The following MIB1 variants were observed in gnomAD, a reference collection of about 807,000 sequenced individuals.
The protein encoded by MIB1 is E3 ubiquitin-protein ligase MIB1.
Under a neutral mutation model 124.5 loss-of-function variants are expected in MIB1, and 278 were observed. The ratio of observed to expected loss-of-function variants is 2.23; its 90% CI spans 2.02 to 2.47. The LOEUF (loss-of-function observed/expected upper bound fraction) is 2.47. Ranked by LOEUF, MIB1 falls within the 30% of genes most tolerant of loss-of-function variation. The pLI, the probability that MIB1 is intolerant of heterozygous loss-of-function variation, is 0.00. For synonymous variants in MIB1, 446 were observed against 429.4 expected, an observed-to-expected ratio of 1.04 and a Z score of -0.48; for missense variants, 957 against 1,254.4, an observed-to-expected ratio of 0.76 and a Z score of 3.58.
At chr18:21,863,541 A>G (rs191002674) in intron 20 of MIB1, among the ~76,000 whole-genome samples, 1 of 147,626 alleles carries the variant, frequency 6.8e-6, no homozygotes, top group African/African-American at 2.7e-5. Flanking sequence ...CCTGAAGTTA[A>G]GCCATCTCTC....
intron 1 of MIB1, among the ~76,000 whole-genome samples, chr18:21,722,213 C>A (rs2146358848): frequency 6.6e-6 from 1 of 151,762 alleles, no homozygotes; most frequent in South Asian, 2.1e-4. Flanking sequence ...AACCACCACA[C>A]CTGGCTAATT....
chr18:21,823,400 C>CT (rs1314170882), intron 12 of MIB1, among the ~76,000 whole-genome samples: 2 of 145,364 alleles, frequency 1.4e-5, no homozygotes, highest in South Asian at 2.2e-4. Context: ...GACCCTGTCT[C>CT]TAAAAAAAAA....
chr18:21,782,733 TGTATTCTA>T (rs2041384779), intron 6 of MIB1, among the ~76,000 whole-genome samples: 1 of 152,164 alleles, frequency 6.6e-6, no homozygotes, highest in Non-Finnish European at 1.5e-5. Flanking sequence ...GAGAACAGTG[TGTATTCTA>T]TGGCAGTTGG....
chr18:21,805,793 G>C (rs1025802187), intron 10 of MIB1, among the ~76,000 whole-genome samples: 1 of 151,390 alleles, frequency 6.6e-6, no homozygotes, highest in Non-Finnish European at 1.5e-5. Context: ...ATATATTTGC[G>C]TTTCTAGAGA....
chr18:21,740,622 C>T (rs923973456), upstream of MIB1, among the ~76,000 whole-genome samples: 1 of 152,256 alleles, frequency 6.6e-6, no homozygotes, highest in African/African-American at 2.4e-5. Context: ...CTCACTTTCT[C>T]CAGCCCCGCC....
In MIB1 at chr18:21,864,592, C is replaced by A; in HGVS notation, c.2947C>A (p.Gln983Lys). ...MIFLCGHGTC[Q>K]LCGDRMSECP... Reference sequence around the variant, plus strand: ...TTTCCTTTGTGGTCACGGAACCTGTCAACTCTGTGGAGACCGCATGAGTGA... The same window carrying A: ...TTTCCTTTGTGGTCACGGAACCTGTAAACTCTGTGGAGACCGCATGAGTGA... The change falls in exon 21 of 21, where the codon CAA becomes AAA. Residue 983 changes from glutamine to lysine, a missense_variant. Transcript: ENST00000261537. 1 of 1,613,684 alleles carries A rather than the reference C, an allele frequency of 6.2e-7. No homozygotes were observed. The highest frequency in any genetic ancestry group is 8.5e-7 in the Non-Finnish European group (1 of 1,179,602).
chr18:21,773,672 T>A lies in MIB1; in HGVS notation c.580T>A (p.Tyr194Asn). The change falls in exon 4 of 21, where the codon TAT (tyrosine) becomes AAT (asparagine). Residue 194 changes from tyrosine (Y) to asparagine (N), a missense_variant. Tyr to Asn is a moderately radical substitution (Grantham distance 143). Coordinates refer to ENST00000261537, the MANE Select transcript of MIB1 (RefSeq NM_020774.4). ...WSASSPHSAA[Y>N]VLWDNGAKNL... ...TGCATCAAGCCCACATAGCGCAGCA[T>A]ATGTCCTCTGGGATAATGGTGCTAA... The A allele has an allele frequency of 6.2e-7, 1 of 1,609,604 alleles. No individual in the cohort carries two copies. Among genetic ancestry groups the A allele is most frequent in the Middle Eastern group, 1.7e-4 (1 of 6,060 alleles).
Position 21,768,657 on chromosome 18 carries a change from AT to A in MIB1, c.438del (p.Thr147GlnfsTer32). The A allele has an allele frequency of 1.3e-6, 2 of 1,596,096 alleles. No homozygotes were observed. The highest frequency in any genetic ancestry group is 8.5e-7 in the Non-Finnish European group (1 of 1,170,358). ...LLESRRKSKK[I>X]TARGIFAGAR... ...AGAGTCTCGTAGGAAATCTAAGAAG[AT>A]TACAGCCAGAGGAATCTTTGCAGGT... On this transcript the variant is annotated frameshift_variant, in exon 3 of 21. Transcript: ENST00000261537. LOFTEE classifies it high-confidence loss of function.
rs1356267227 is a variant in MIB1 at position 21,864,892 on chromosome 18, C to CATAG, written c.*227_*230dup. 5.5e-6 allele frequency: 2 copies of CATAG among 365,486 alleles called. No homozygotes were observed. Among genetic ancestry groups the CATAG allele is most frequent in the Non-Finnish European group, 4.9e-6 (1 of 205,566 alleles). 22.6% of individuals were successfully genotyped at this position (365,486 alleles called of 1,614,324 possible). ...TTTGAAACATCAAATTCATGTAACT[C>CATAG]ATAGGATAATTTACCTTTGGCTTCT... On this transcript the variant is annotated 3_prime_UTR_variant, in exon 21 of 21. Transcript: ENST00000261537.
At position 21,741,771 on chromosome 18, in the gene MIB1, C is replaced by T. The variant is rs761066445; in HGVS notation, c.188C>T (p.Ser63Phe). Reference sequence around the variant, plus strand: ...GGCACAGCTGCCAACTACCGCTGCTCCGGGGCTTACGACCTCCGCATCCTG... The same window carrying T: ...GGCACAGCTGCCAACTACCGCTGCTTCGGGGCTTACGACCTCCGCATCCTG... ...DNGTAANYRC[S>F]GAYDLRILDS... Residue 63 changes from serine to phenylalanine, a missense_variant, in exon 1 of 21, where the codon TCC becomes TTC. Transcript: ENST00000261537. This position sits in a 1 kb window ranked among gnomAD's most constrained non-coding sequence, Gnocchi z 5.4. 1.2e-6 allele frequency: 2 copies of T among 1,609,314 alleles called. 1 individual carries two copies. Among genetic ancestry groups the T allele is most frequent in the South Asian group, 2.2e-5 (2 of 90,358 alleles).
chr18:21,821,870 GGATTAC>G (rs1424128791), intron 12 of MIB1, among the ~76,000 whole-genome samples: 3 of 152,024 alleles, frequency 2.0e-5, no homozygotes, highest in Non-Finnish European at 4.4e-5. Flanking sequence ...CAAAGTGCTG[GGATTAC>G]AGGCGTGAGC....
chr18:21,864,537 T>TG lies in MIB1; in HGVS notation c.2893dup (p.Val965GlyfsTer27), dbSNP rs1290141398. 1 of 1,612,270 alleles carries TG rather than the reference T, an allele frequency of 6.2e-7. No individual in the cohort carries two copies. Among genetic ancestry groups the TG allele is most frequent in the East Asian group, 2.2e-5 (1 of 44,866 alleles). ...ATCTCACATTACAGACAATGTGCCC[T>TG]GTGTGTCTAGATCGTCTGAAGAATA... On this transcript the variant is annotated frameshift_variant, in exon 21 of 21. Coordinates refer to ENST00000261537, the MANE Select transcript of MIB1 (RefSeq NM_020774.4). LOFTEE classifies it high-confidence loss of function.
At chr18:21,801,394 A>G (rs183768628) in intron 9 of MIB1, among the ~76,000 whole-genome samples, 2 of 152,296 alleles carry the variant, frequency 1.3e-5, no homozygotes, top group Admixed American at 6.5e-5. Flanking sequence ...TGTGTATGTT[A>G]TATAAATGAC....
At chr18:21,810,987 A>G (rs2146468556) in intron 10 of MIB1, among the ~76,000 whole-genome samples, 1 of 152,168 alleles carries the variant, frequency 6.6e-6, no homozygotes, top group East Asian at 1.9e-4. Flanking sequence ...CATGTATCTG[A>G]TAAGATATTA....
At chr18:21,790,075 G>C (rs1040328463) in intron 6 of MIB1, among the ~76,000 whole-genome samples, 15 of 152,318 alleles carry the variant, frequency 9.8e-5, no homozygotes, top group South Asian at 4.1e-4. Flanking sequence ...ATTCAAATTA[G>C]TTTGCTACAA....
At chr18:21,715,204 C>T (rs981785383) in intron 1 of MIB1, among the ~76,000 whole-genome samples, 6 of 152,128 alleles carry the variant, frequency 3.9e-5, no homozygotes, top group Non-Finnish European at 2.9e-5. Flanking sequence ...TGCAGACAAC[C>T]CCAGTACCAA....
chr18:21,748,274 G>A (rs1205992611), intron 1 of MIB1, among the ~76,000 whole-genome samples: 3 of 152,030 alleles, frequency 2.0e-5, no homozygotes, highest in Non-Finnish European at 4.4e-5. Context: ...ATGAAACTTT[G>A]TGATACATCC....
Position 21,819,560 on chromosome 18 carries a change from T to C in MIB1, c.1743T>C (p.Val581=). The change falls in exon 12 of 21, where the codon GTT becomes GTC. Residue 581 remains valine (V), a synonymous_variant. Coordinates refer to ENST00000261537, the MANE Select transcript of MIB1 (RefSeq NM_020774.4). ...AGAAACGTGATGATATCCTAGCAGT[T>C]CTTTTGGAAGCTGGAGCAGATGTTA... ...ISKKRDDILA[V]LLEAGADVTI... is the part of the protein sequence containing the mutation. The C allele has an allele frequency of 6.2e-7, 1 of 1,611,842 alleles. No homozygotes were observed.
chr18:21,815,899 T>G, intron 11 of MIB1, 86 bp downstream of exon 11: 1 of 1,189,436 alleles, frequency 8.4e-7, no homozygotes, highest in Non-Finnish European at 1.2e-6. Flanking sequence ...AGCATTCCTT[T>G]GTTACCGTTC....
Sources: gnomAD v4.1 joint callset for allele counts (sites outside exome capture counted in the v4.1 genomes callset) on GRCh38, gnomAD v4.1.1 for gene constraint, Gnocchi (gnomAD v3.1) non-coding constraint, MANE v1.5 for transcripts, NCBI Gene and HGNC (gene_info 2026-07-23, HGNC 2026-07-21) for gene names.